The following CRISPLD2 variants were observed in gnomAD, a reference collection of about 807,000 sequenced individuals.
CRISPLD2 encodes the protein cysteine rich secretory protein LCCL domain containing 2.
CRISPLD2 carries 47 observed loss-of-function variants against 71.1 expected under a neutral mutation model. The observed-to-expected ratio is 0.66, with a 90% CI of 0.52 to 0.84. CRISPLD2 has a LOEUF of 0.84. Among genes scored for constraint, CRISPLD2 ranks in the 40% least tolerant of loss-of-function variants. CRISPLD2 has a pLI of 0.00. For synonymous variants in CRISPLD2, 317 were observed against 250.1 expected (o/e 1.27, Z -2.52); for missense variants, 830 against 651.1 (o/e 1.27, Z -2.99).
At chr16:84,843,936 G>A (rs764454710) in intron 2 of CRISPLD2, among the ~76,000 whole-genome samples, 2 of 152,226 alleles carry the variant, frequency 1.3e-5, no homozygotes, top group Non-Finnish European at 2.9e-5. Context: ...TGAGGCATGC[G>A]GTTGTGTTGG....
chr16:84,888,079 G>A (rs1420578987), intron 13 of CRISPLD2, among the ~76,000 whole-genome samples: 1 of 152,162 alleles, frequency 6.6e-6, no homozygotes, highest in Admixed American at 6.5e-5. Flanking sequence ...TTACAGTTCT[G>A]GAAGCCAGAA....
chr16:84,892,496 A>G (rs1486002135), intron 14 of CRISPLD2, among the ~76,000 whole-genome samples: 2 of 151,982 alleles, frequency 1.3e-5, no homozygotes, highest in East Asian at 3.9e-4. Flanking sequence ...ACATAGAGGG[A>G]TTTTCAGTGA....
rs377102283 is a variant in CRISPLD2, at chr16:84,847,093, T to C, written c.359+1189T>C. On this transcript the variant is annotated intron_variant, in intron 3 of 14. Coordinates refer to ENST00000262424, the MANE Select transcript of CRISPLD2 (RefSeq NM_031476.4). The stretch of plus-strand genomic sequence containing the variant: ...TCCTCAGACCCATCCAGGACCTGGA[T>C]TGACATCCATTTTGCCCTAATTATT... Among the ~76,000 whole-genome samples the C allele has an allele frequency of 2.4e-4, 37 of 152,364 alleles. 3 individuals carry two copies. The highest frequency in any genetic ancestry group is 9.1e-4 in the Admixed American group (14 of 15,310).
chr16:84,849,167 G>GCCTC (rs568730053), intron 3 of CRISPLD2: 13 of 540,626 alleles, frequency 2.4e-5, no homozygotes, highest in Admixed American at 1.8e-4. Flanking sequence ...CCCCACCTCG[G>GCCTC]CCTCCCTCCC....
chr16:84,829,097 T>C (rs539838161), intron 1 of CRISPLD2: 3 of 152,044 alleles, frequency 2.0e-5, no homozygotes, highest in Admixed American at 6.5e-5. Flanking sequence ...AAAAAGAATA[T>C]TATCTTTTGT....
At chr16:84,825,392 G>T (rs1019090379) in intron 1 of CRISPLD2, among the ~76,000 whole-genome samples, 7 of 152,070 alleles carry the variant, frequency 4.6e-5, no homozygotes, top group African/African-American at 1.4e-4. Context: ...GTGAGATGCT[G>T]TCTCTACAAA....
chr16:84,831,907 G>T (rs1280232666), intron 1 of CRISPLD2, among the ~76,000 whole-genome samples: 3 of 152,084 alleles, frequency 2.0e-5, no homozygotes, highest in Non-Finnish European at 4.4e-5. Flanking sequence ...GCTAAGGTTT[G>T]TACTTTTAGT....
chr16:84,886,857 T>C (rs1355801332), intron 13 of CRISPLD2, among the ~76,000 whole-genome samples: 6 of 152,172 alleles, frequency 3.9e-5, no homozygotes, highest in Admixed American at 2.0e-4. Flanking sequence ...CTCTTAACCA[T>C]TGTTAAGTGC....
chr16:84,899,601 G>A (rs114727447), intron 14 of CRISPLD2, among the ~76,000 whole-genome samples: 553 of 152,286 alleles, frequency 3.6e-3, no homozygotes, highest in African/African-American at 0.013. Flanking sequence ...CCAGTTGCAC[G>A]GTGGCATCCT....
chr16:84,843,935 C>T (rs759386872), intron 2 of CRISPLD2, among the ~76,000 whole-genome samples: 14 of 152,168 alleles, frequency 9.2e-5, no homozygotes, highest in Admixed American at 3.3e-4. Flanking sequence ...GTGAGGCATG[C>T]GGTTGTGTTG....
In CRISPLD2 at chr16:84,845,822, T is replaced by C. The variant is rs1433381480; in HGVS notation, c.277T>C (p.Trp93Arg). The change falls in exon 3 of 15, where the codon TGG becomes CGG. Residue 93 changes from tryptophan (W) to arginine (R), a missense_variant. By Grantham distance (101) the Trp-to-Arg change is moderately radical. Transcript: ENST00000262424. The stretch of plus-strand genomic sequence containing the variant: ...CGAACTGGAGAAGTCTGCTGCAGCG[T>C]GGGCCAGTCAGTGCATCTGGGAGCA... ...DDELEKSAAA[W>R]ASQCIWEHGP... 1 of 1,614,018 alleles carries C rather than the reference T, an allele frequency of 6.2e-7. No homozygotes were observed.
intron 3 of CRISPLD2, among the ~76,000 whole-genome samples, chr16:84,846,718 G>A (rs545675571): frequency 3.3e-5 from 5 of 152,138 alleles, no homozygotes; most frequent in Non-Finnish European, 5.9e-5. Context: ...TGCCTTCCCC[G>A]CGTCATCCAG....
chr16:84,848,282 G>A (rs571135501), intron 3 of CRISPLD2, among the ~76,000 whole-genome samples: 9 of 152,180 alleles, frequency 5.9e-5, no homozygotes, highest in Non-Finnish European at 1.3e-4. Flanking sequence ...GCTGCCGTGC[G>A]CTCCGCTTCC....
At chr16:84,874,519 T>C (rs894709994) in intron 11 of CRISPLD2, among the ~76,000 whole-genome samples, 1 of 152,206 alleles carries the variant, frequency 6.6e-6, no homozygotes, top group African/African-American at 2.4e-5. Context: ...GGATGGATCA[T>C]AGCTGCCCAC....
chr16:84,858,460 G>T (rs1041168501), intron 6 of CRISPLD2, among the ~76,000 whole-genome samples: 1 of 152,180 alleles, frequency 6.6e-6, no homozygotes, highest in African/African-American at 2.4e-5. Context: ...ACCTTAACAG[G>T]CCTAACACCA....
At chr16:84,905,632 C>G (rs568051855) in intron 14 of CRISPLD2, among the ~76,000 whole-genome samples, 2 of 151,140 alleles carry the variant, frequency 1.3e-5, no homozygotes, top group South Asian at 2.1e-4. Context: ...CTCAAGTGAT[C>G]CACCTGCCTT....
chr16:84,891,789 C>T (rs1235715967), intron 14 of CRISPLD2, among the ~76,000 whole-genome samples: 1 of 152,052 alleles, frequency 6.6e-6, no homozygotes, highest in African/African-American at 2.4e-5. Context: ...GGAGAGAAGG[C>T]CCCCGAAGCA....
intron 1 of CRISPLD2, among the ~76,000 whole-genome samples, chr16:84,831,896 G>T (rs1916497787): frequency 6.6e-6 from 1 of 152,214 alleles, no homozygotes; most frequent in African/African-American, 2.4e-5. Context: ...CACCACACCT[G>T]GCTAAGGTTT....
chr16:84,829,442 G>C lies in CRISPLD2; in HGVS notation c.-74-8980G>C, dbSNP rs534530779. On this transcript the variant is annotated intron_variant, in intron 1 of 14. Coordinates refer to ENST00000262424, the MANE Select transcript of CRISPLD2 (RefSeq NM_031476.4). ...TGGAGTACCCCTCCTTCCAGCCACT[G>C]CTTCATTCCTGGAATTTCTGGGTGG... Among the ~76,000 whole-genome samples, 9 of 152,280 alleles carry C rather than the reference G, an allele frequency of 5.9e-5. No homozygotes were observed. In the South Asian group the frequency reaches 1.9e-3, roughly 32 times the overall value.
Sources: allele counts gnomAD v4.1 joint callset (sites outside exome capture counted in the v4.1 genomes callset), GRCh38; gene constraint gnomAD v4.1.1; transcripts MANE v1.5; gene names NCBI Gene and HGNC (gene_info 2026-07-23, HGNC 2026-07-21).